Variants in DNAJC1 observed in about 807,000 individuals in gnomAD.
The protein encoded by DNAJC1 is dnaJ homolog subfamily C member 1.
DNAJC1 carries 58 observed loss-of-function variants against 76.6 expected under a neutral mutation model. The observed-to-expected ratio is 0.76, with a 90% CI of 0.61 to 0.94. The LOEUF (loss-of-function observed/expected upper bound fraction) is 0.94. Among genes scored for constraint, DNAJC1 ranks in the 40% least tolerant of loss-of-function variants. DNAJC1 has a pLI of 0.00. For synonymous variants in DNAJC1, 258 were observed against 267.9 expected, an observed-to-expected ratio of 0.96 and a Z score of 0.36; for missense variants, 689 against 677.3, an observed-to-expected ratio of 1.02 and a Z score of -0.19.
At chr10:21,903,071 T>C (rs1836684402) in intron 7 of DNAJC1, among the ~76,000 whole-genome samples, 2 of 152,120 alleles carry the variant, frequency 1.3e-5, no homozygotes, top group East Asian at 3.9e-4. Flanking sequence ...GGATTACAGG[T>C]GTCCGCCACT....
chr10:21,948,611 G>T (rs760321236), intron 1 of DNAJC1, among the ~76,000 whole-genome samples: 2 of 152,058 alleles, frequency 1.3e-5, no homozygotes, highest in Non-Finnish European at 2.9e-5. Context: ...TCATATTCAC[G>T]TAACTTTTAT....
chr10:21,923,834 T>C (rs1837077092), intron 3 of DNAJC1, among the ~76,000 whole-genome samples: 1 of 151,868 alleles, frequency 6.6e-6, no homozygotes, highest in Non-Finnish European at 1.5e-5. Flanking sequence ...GAAAAACAAA[T>C]CTAAAATTTT....
intron 3 of DNAJC1, 58 bp from the exon 4 acceptor site, chr10:21,921,021 T>C (rs1052621214): frequency 1.4e-6 from 2 of 1,389,648 alleles, no homozygotes; most frequent in African/African-American, 2.9e-5. Flanking sequence ...CAAAAAAAAC[T>C]ATTTGTGCCT....
chr10:21,961,945 T>A (rs1837799066), intron 1 of DNAJC1, among the ~76,000 whole-genome samples: 1 of 152,154 alleles, frequency 6.6e-6, no homozygotes, highest in East Asian at 1.9e-4. Flanking sequence ...TCATGGCCTC[T>A]GCATTTGCTG....
At chr10:21,948,363 A>G (rs1223665670) in intron 1 of DNAJC1, among the ~76,000 whole-genome samples, 1 of 152,238 alleles carries the variant, frequency 6.6e-6, no homozygotes, top group Non-Finnish European at 1.5e-5. Context: ...AAATAATTTT[A>G]GGAGCAAAGT....
At chr10:21,966,584 C>T (rs1837893193) in intron 1 of DNAJC1, among the ~76,000 whole-genome samples, 3 of 151,706 alleles carry the variant, frequency 2.0e-5, no homozygotes. Flanking sequence ...GGTTAAAATC[C>T]CTTACTATCG....
At chr10:21,795,854 T>C (rs1317774006) in intron 9 of DNAJC1, among the ~76,000 whole-genome samples, 3 of 152,230 alleles carry the variant, frequency 2.0e-5, no homozygotes, top group Non-Finnish European at 2.9e-5. Context: ...CTGGTTATTT[T>C]AGATAACTCA....
At chr10:21,846,761 C>T (rs1835666020) in intron 8 of DNAJC1, among the ~76,000 whole-genome samples, 1 of 152,060 alleles carries the variant, frequency 6.6e-6, no homozygotes, top group South Asian at 2.1e-4. Flanking sequence ...ATTTAATCTT[C>T]CCAACAACCT....
Position 21,882,284 on chromosome 10 carries a change from G to T in DNAJC1, c.976C>A (p.Gln326Lys). ...LENRNRTQKKQAPEWTEEDLS... is the reference protein window; with the variant it reads ...LENRNRTQKKKAPEWTEEDLS... ...CAAGTTTTATAAAGCTTATTTACCT[G>T]TTTTTTCTGTGTTCGGTTCCTGTTT... Residue 326 changes from glutamine (Q) to lysine (K), a missense_variant and splice_region_variant, in exon 8 of 12, where the codon CAG (glutamine) becomes AAG (lysine). Physicochemically the swap from Gln to Lys is moderately conservative, Grantham distance 53 (BLOSUM62 1). Coordinates refer to ENST00000376980, the MANE Select transcript of DNAJC1 (RefSeq NM_022365.4). 3 of 1,589,144 alleles carry T rather than the reference G, an allele frequency of 1.9e-6. No homozygotes were observed. The highest frequency in any genetic ancestry group is 2.6e-6 in the Non-Finnish European group (3 of 1,173,788).
chr10:21,953,335 G>T lies in DNAJC1; in HGVS notation c.223-24194C>A, dbSNP rs541885904. 4.0e-5 allele frequency among the ~76,000 whole-genome samples: 6 copies of T among 151,734 alleles called. 1 individual carries two copies. Among genetic ancestry groups the T allele is most frequent in the Admixed American group, 3.9e-4 (6 of 15,220 alleles). ...TTAAATATCTTTTACTAACTTGTTAGATATGCAAATCATTTATACTAGATA... is the reference window on the plus strand; with the variant it reads ...TTAAATATCTTTTACTAACTTGTTATATATGCAAATCATTTATACTAGATA... On this transcript the variant is annotated intron_variant, in intron 1 of 11. Coordinates refer to ENST00000376980, the MANE Select transcript of DNAJC1 (RefSeq NM_022365.4).
intron 8 of DNAJC1, among the ~76,000 whole-genome samples, chr10:21,814,133 C>CCTA (rs1178500045): frequency 6.6e-6 from 1 of 152,156 alleles, no homozygotes; most frequent in Non-Finnish European, 1.5e-5. Context: ...TTACTGGGCA[C>CCTA]CTACAGCGAA....
intron 1 of DNAJC1, among the ~76,000 whole-genome samples, chr10:21,931,466 C>G (rs1189799404): frequency 1.3e-5 from 2 of 152,118 alleles, no homozygotes; most frequent in Non-Finnish European, 2.9e-5. Flanking sequence ...GTACTTCAAA[C>G]TAGCTTATGT....
At chr10:21,844,202 A>G (rs1835619608) in intron 8 of DNAJC1, among the ~76,000 whole-genome samples, 1 of 152,128 alleles carries the variant, frequency 6.6e-6, no homozygotes, top group Non-Finnish European at 1.5e-5. Flanking sequence ...CAGCATGAAA[A>G]TGGACCAATA....
In DNAJC1 at chr10:21,942,811, A is replaced by G. The variant is rs534200656; in HGVS notation, c.223-13670T>C. On this transcript the variant is annotated intron_variant, in intron 1 of 11. Coordinates refer to ENST00000376980, the MANE Select transcript of DNAJC1 (RefSeq NM_022365.4). ...ACAGAGCGAGACTCCATCTCAAAAA[A>G]AAAAAAAAAAAAAGAAAGAAAGAAA... Among the ~76,000 whole-genome samples, 666 of 150,618 alleles carry G rather than the reference A, an allele frequency of 4.4e-3. 2 individuals carry two copies. Among genetic ancestry groups the G allele is most frequent in the African/African-American group, 0.015 (634 of 41,274 alleles).
intron 8 of DNAJC1, among the ~76,000 whole-genome samples, chr10:21,837,625 C>T (rs1835486590): frequency 1.3e-5 from 2 of 151,286 alleles, no homozygotes; most frequent in African/African-American, 4.9e-5. Flanking sequence ...TGAGGAGCCC[C>T]TCCGCCCGGC....
In DNAJC1 at chr10:21,759,222, C is replaced by T; in HGVS notation, c.1544G>A (p.Gly515Glu). 6.2e-7 allele frequency: 1 copy of T among 1,614,194 alleles called. No individual in the cohort carries two copies. The highest frequency in any genetic ancestry group is 8.5e-7 in the Non-Finnish European group (1 of 1,180,044). The change falls in exon 11 of 12, where the codon GGA (glycine) becomes GAA (glutamate). Residue 515 changes from glycine (G) to glutamate (E), a missense_variant. Transcript: ENST00000376980. Reference protein sequence around the residue: ...LELALQQYPRGSSDRWDKIAR... With the variant: ...LELALQQYPRESSDRWDKIAR... ...TATTTTGTCCCAGCGGTCAGAGGATCCCCTTGGGTACTGCTGCAACGCCAG... is the reference window on the plus strand; with the variant it reads ...TATTTTGTCCCAGCGGTCAGAGGATTCCCTTGGGTACTGCTGCAACGCCAG...
chr10:21,978,032 G>A (rs1838092808), intron 1 of DNAJC1, among the ~76,000 whole-genome samples: 2 of 152,070 alleles, frequency 1.3e-5, no homozygotes, highest in African/African-American at 4.8e-5. Context: ...TTATATAGGA[G>A]CATTTGACTT....
Position 21,904,572 on chromosome 10 carries a change from A to G in DNAJC1, c.770T>C (p.Leu257Ser). 6.2e-7 allele frequency: 1 copy of G among 1,607,886 alleles called. No homozygotes were observed. The highest frequency in any genetic ancestry group is 8.5e-7 in the Non-Finnish European group (1 of 1,177,394). The change falls in exon 7 of 12, where the codon TTG becomes TCG. Residue 257 changes from leucine (L) to serine (S), a missense_variant. Physicochemically the swap from Leu to Ser is moderately radical, Grantham distance 145 (BLOSUM62 -2). Transcript: ENST00000376980. Reference protein sequence around the residue: ...QFYAKYKETRLKEKEDALTRT... With the variant: ...QFYAKYKETRSKEKEDALTRT... ...AGTCAGTGCATCTTCCTTTTCCTTC[A>G]ATCTTGTTTCTTTATATTTAGCATA...
chr10:21,882,228 A>T, intron 8 of DNAJC1, 54 bp downstream of exon 8: 1 of 1,491,224 alleles, frequency 6.7e-7, no homozygotes, highest in Non-Finnish European at 9.1e-7. Context: ...CCTGTATTTT[A>T]TGTGCTTTTC....
Sources: allele counts gnomAD v4.1 joint callset (sites outside exome capture counted in the v4.1 genomes callset), GRCh38; gene constraint gnomAD v4.1.1; transcripts MANE v1.5; gene names NCBI Gene and HGNC (gene_info 2026-07-23, HGNC 2026-07-21).